The following TRDMT1 variants were observed in gnomAD, a reference collection of about 807,000 sequenced individuals.
TRDMT1 encodes tRNA aspartic acid methyltransferase 1.
In TRDMT1, 49 loss-of-function variants were observed where a neutral mutation model predicts 51.2. That is an observed-to-expected ratio of 0.96 (90% CI 0.76 to 1.21). The LOEUF (loss-of-function observed/expected upper bound fraction) is 1.21. Ranked by LOEUF, TRDMT1 falls within the 50% of genes most tolerant of loss-of-function variation. The pLI is 0.00. For synonymous variants in TRDMT1, 187 were observed against 164.6 expected, an observed-to-expected ratio of 1.14 and a Z score of -1.04; for missense variants, 534 against 462.3, an observed-to-expected ratio of 1.16 and a Z score of -1.42.
rs775364269 is a variant in TRDMT1, at chr10:17,146,189, G to A, written c.*2851C>T. ...TTTACCCTCAAATTTCTAAAAAAGT[G>A]CTGGGTGGACCCTCACTGTTCACAA... is the stretch of plus-strand genomic sequence containing the variant. On this transcript the variant is annotated 3_prime_UTR_variant, in exon 11 of 11. Coordinates refer to ENST00000377799, the MANE Select transcript of TRDMT1 (RefSeq NM_004412.7). 3.1e-5 allele frequency: 31 copies of A among 985,336 alleles called. No homozygotes were observed. The highest frequency in any genetic ancestry group is 3.6e-5 in the Non-Finnish European group (30 of 829,942). The allele number at this position is 985,336 out of a possible 1,614,324, so 61.0% of individuals were successfully genotyped here.
intron 1 of TRDMT1, among the ~76,000 whole-genome samples, chr10:17,186,832 G>A (rs1844001276): frequency 6.6e-6 from 1 of 152,140 alleles, no homozygotes; most frequent in Non-Finnish European, 1.5e-5. Flanking sequence ...TCATAAAGTG[G>A]AGTATGATAC....
chr10:17,151,593 G>T (rs536542953), intron 10 of TRDMT1: 2 of 985,414 alleles, frequency 2.0e-6, no homozygotes, highest in Non-Finnish European at 2.4e-6. Context: ...AACATATCAC[G>T]TATTTTAGAA....
rs758336473 is a variant in TRDMT1 at position 17,140,037 on chromosome 10, C to CTTTTT, written c.*8998_*9002dup. The stretch of plus-strand genomic sequence containing the variant: ...TATTCTTCCAGTAACATCTAGTGTG[C>CTTTTT]TTTTTTTTTTTTTTTTTTTTTTTTT... On this transcript the variant is annotated 3_prime_UTR_variant, in exon 11 of 11. Transcript: ENST00000377799. Among the ~76,000 whole-genome samples the CTTTTT allele has an allele frequency of 6.9e-3, 151 of 21,916 alleles. 55 individuals carry two copies. The highest frequency in any genetic ancestry group is 8.5e-3 in the Non-Finnish European group (99 of 11,712). The allele number at this position is 21,916 out of a possible 152,430, so 14.4% of individuals were successfully genotyped here.
At chr10:17,174,391 A>G (rs1458666408) in intron 2 of TRDMT1, among the ~76,000 whole-genome samples, 160 bp downstream of exon 2, 2 of 152,192 alleles carry the variant, frequency 1.3e-5, no homozygotes, top group Non-Finnish European at 2.9e-5. Flanking sequence ...AAAGCATGCT[A>G]TCTTCTGATA....
intron 1 of TRDMT1, among the ~76,000 whole-genome samples, chr10:17,195,476 G>A (rs982266666): frequency 6.6e-6 from 1 of 152,072 alleles, no homozygotes; most frequent in African/African-American, 2.4e-5. Context: ...GGCAGCAAAG[G>A]TTAAAAAACT....
rs1207380396 is a variant in TRDMT1 at position 17,146,045 on chromosome 10, T to C, written c.*2995A>G. On this transcript the variant is annotated 3_prime_UTR_variant, in exon 11 of 11. Coordinates refer to ENST00000377799, the MANE Select transcript of TRDMT1 (RefSeq NM_004412.7). ...ATGCGTTGAATTGCCTGCACTCATCTCTAACCCCATCCAATTTTACATCCC... is the reference window on the plus strand; with the variant it reads ...ATGCGTTGAATTGCCTGCACTCATCCCTAACCCCATCCAATTTTACATCCC... 5.1e-6 allele frequency: 5 copies of C among 985,436 alleles called. No homozygotes were observed. Among genetic ancestry groups the C allele is most frequent in the Non-Finnish European group, 6.0e-6 (5 of 829,936 alleles). The allele number at this position is 985,436 out of a possible 1,614,324, so 61.0% of individuals were successfully genotyped here.
At chr10:17,179,402 G>A (rs1306000851) in intron 1 of TRDMT1, among the ~76,000 whole-genome samples, 1 of 152,006 alleles carries the variant, frequency 6.6e-6, no homozygotes, top group African/African-American at 2.4e-5. Context: ...ATTTCCAAGG[G>A]CATAAACTGG....
intron 1 of TRDMT1, among the ~76,000 whole-genome samples, chr10:17,189,895 T>C (rs1474380614): frequency 6.6e-6 from 1 of 152,108 alleles, no homozygotes; most frequent in Non-Finnish European, 1.5e-5. Flanking sequence ...TCTCATTCAT[T>C]GAGTACTAGA....
chr10:17,171,942 C>T (rs906054181), intron 2 of TRDMT1: 4 of 166,736 alleles, frequency 2.4e-5, no homozygotes, highest in African/African-American at 9.7e-5. Context: ...CCACTGGAGT[C>T]ATTCTCCTCT....
At chr10:17,191,161 G>C (rs990079958) in intron 1 of TRDMT1, among the ~76,000 whole-genome samples, 2 of 152,148 alleles carry the variant, frequency 1.3e-5, no homozygotes, top group Non-Finnish European at 2.9e-5. Flanking sequence ...AGTGAGCAAG[G>C]GGACAGCCAC....
At chr10:17,178,677 G>GAAAAAAA (rs3054721) in intron 1 of TRDMT1, among the ~76,000 whole-genome samples, 1 of 104,052 alleles carries the variant, frequency 9.6e-6, no homozygotes, top group Non-Finnish European at 2.1e-5. Context: ...CTCTGTCTCG[G>GAAAAAAA]AAAAAAAAAA....
intron 1 of TRDMT1, 96 bp downstream of exon 1, chr10:17,201,475 G>GCCCCACAGTGTCCA: frequency 1.5e-6 from 2 of 1,324,974 alleles, no homozygotes; most frequent in Non-Finnish European, 2.1e-6. Context: ...CACAGTGTCC[G>GCCCCACAGTGTCCA]CCCCTTGCGT....
At position 17,144,448 on chromosome 10, in the gene TRDMT1, C is replaced by T. The variant is rs56394211; in HGVS notation, c.*4592G>A. On this transcript the variant is annotated 3_prime_UTR_variant, in exon 11 of 11. Transcript: ENST00000377799. ...ATCTTGTAATTTTTGTGAAAATTTC[C>T]GGTCTCATATTTATAGGAAAAATGA... 301,936 of 985,100 alleles carry T rather than the reference C, an allele frequency of 0.31. 46,474 individuals are homozygous for T. Among genetic ancestry groups the T allele is most frequent in the Middle Eastern group, 0.32 (608 of 1,912 alleles). 61.0% of individuals were successfully genotyped at this position (985,100 alleles called of 1,614,324 possible).
intron 2 of TRDMT1, among the ~76,000 whole-genome samples, chr10:17,171,265 C>T (rs1044270985): frequency 6.6e-6 from 1 of 152,050 alleles, no homozygotes; most frequent in African/African-American, 2.4e-5. Flanking sequence ...TCTGCCAAGG[C>T]CTCCTTGTGT....
rs1223045644 is a variant in TRDMT1 at position 17,143,621 on chromosome 10, CAT to C, written c.*5417_*5418del. The C allele has an allele frequency of 6.1e-6, 6 of 985,284 alleles. No individual in the cohort carries two copies. Among genetic ancestry groups the C allele is most frequent in the Non-Finnish European group, 7.2e-6 (6 of 829,952 alleles). The allele number at this position is 985,284 out of a possible 1,614,324, so 61.0% of individuals were successfully genotyped here. ...AAGGCTCAAATCTGTTAAATGTTGA[CAT>C]GTTTAACCAAGCACACAAATATGAT... On this transcript the variant is annotated 3_prime_UTR_variant, in exon 11 of 11. Coordinates refer to ENST00000377799, the MANE Select transcript of TRDMT1 (RefSeq NM_004412.7).
rs1373309695 is a variant in TRDMT1, at chr10:17,146,888, A to C, written c.*2152T>G. On this transcript the variant is annotated 3_prime_UTR_variant, in exon 11 of 11. Transcript: ENST00000377799. ...TGACACTGGTAGATACATCTTCATT[A>C]AGATGTGAGTTTTATGCTTGTTACT... 2.0e-6 allele frequency: 2 copies of C among 982,020 alleles called. No individual in the cohort carries two copies. The highest frequency in any genetic ancestry group is 2.4e-6 in the Non-Finnish European group (2 of 828,434). 60.8% of individuals were successfully genotyped at this position (982,020 alleles called of 1,614,324 possible).
At chr10:17,188,012 T>G (rs1435177811) in intron 1 of TRDMT1, among the ~76,000 whole-genome samples, 1 of 150,306 alleles carries the variant, frequency 6.7e-6, no homozygotes, top group Non-Finnish European at 1.5e-5. Context: ...TAATTACTAT[T>G]TTTACATTAA....
rs906767452 is a variant in TRDMT1 at position 17,144,186 on chromosome 10, T to C, written c.*4854A>G. On this transcript the variant is annotated 3_prime_UTR_variant, in exon 11 of 11. Transcript: ENST00000377799. ...TTTCTCTTTCTCTCTTTCACTCTCA[T>C]CCTCTGACCCTCTAGGTGATCTCAT... 7.1e-6 allele frequency: 7 copies of C among 985,642 alleles called. No individual in the cohort carries two copies. In the African/African-American group the frequency reaches 1.0e-4, roughly 15 times the overall value. 61.1% of individuals were successfully genotyped at this position (985,642 alleles called of 1,614,324 possible).
At chr10:17,189,824 C>CA (rs1564339284) in intron 1 of TRDMT1, among the ~76,000 whole-genome samples, 1 of 152,108 alleles carries the variant, frequency 6.6e-6, no homozygotes, top group African/African-American at 2.4e-5. Flanking sequence ...CTAATGAAGG[C>CA]ATCTGCCAAA....
Sources: allele counts gnomAD v4.1 joint callset (sites outside exome capture counted in the v4.1 genomes callset), GRCh38; gene constraint gnomAD v4.1.1; transcripts MANE v1.5; gene names NCBI Gene and HGNC (gene_info 2026-07-23, HGNC 2026-07-21).